NEMP2: variants seen among roughly 807,000 people sequenced by gnomAD.
NEMP2 encodes UPF0571 transmembrane protein.
A neutral mutation model predicts 54.2 loss-of-function variants in NEMP2; 53 were observed. The ratio of observed to expected loss-of-function variants is 0.98; its 90% CI spans 0.78 to 1.23. The LOEUF is 1.23. NEMP2 is among the 50% of genes most tolerant of loss of function. NEMP2 has a pLI of 0.00. For missense variants in NEMP2, 455 were observed against 511.3 expected, an observed-to-expected ratio of 0.89 and a Z score of 1.06; for synonymous variants, 197 against 190.3, an observed-to-expected ratio of 1.04 and a Z score of -0.29.
chr2:190,596,416 G>A, the NEMP2 span, among the ~76,000 whole-genome samples: 1 of 152,134 alleles, frequency 6.6e-6, no homozygotes, highest in Non-Finnish European at 1.5e-5. The surrounding 1 kb of genome is among the most constrained non-coding windows in gnomAD (Gnocchi z 5.1). Context: ...TAAAAATTAG[G>A]TTGTATGCAC....
upstream of NEMP2, among the ~76,000 whole-genome samples, chr2:190,536,777 CT>C (rs1360618758): frequency 1.3e-5 from 2 of 152,174 alleles, no homozygotes; most frequent in Non-Finnish European, 2.9e-5. Context: ...TAGTAACCCC[CT>C]GCTAGAGGAA....
At chr2:190,436,705 C>T in the NEMP2 span, 4 of 1,614,230 alleles carry the variant, frequency 2.5e-6, no homozygotes, top group South Asian at 4.4e-5. The surrounding 1 kb of genome is among the most constrained non-coding windows in gnomAD (Gnocchi z 5.3). Flanking sequence ...TGAACCCACT[C>T]TGCAGCCCCA....
chr2:190,645,242 C>T, the NEMP2 span, among the ~76,000 whole-genome samples: 1 of 152,044 alleles, frequency 6.6e-6, no homozygotes, highest in Non-Finnish European at 1.5e-5. Flanking sequence ...AGAATAAACA[C>T]ATGAATAATA....
chr2:190,534,991 C>A, upstream of NEMP2: 1 of 215,974 alleles, frequency 4.6e-6, no homozygotes, highest in Non-Finnish European at 9.1e-6. Flanking sequence ...TGGGGACCGC[C>A]CGGCCGTGTC....
chr2:190,632,986 C>T, the NEMP2 span, among the ~76,000 whole-genome samples: 9 of 152,340 alleles, frequency 5.9e-5, no homozygotes, highest in South Asian at 2.1e-4. The surrounding 1 kb of genome is among the most constrained non-coding windows in gnomAD (Gnocchi z 4.8). Flanking sequence ...AATTTAGACA[C>T]GTTGCTGCTC....
chr2:190,582,512 A>G, the NEMP2 span, among the ~76,000 whole-genome samples: 1 of 152,208 alleles, frequency 6.6e-6, no homozygotes, highest in Non-Finnish European at 1.5e-5. This position sits in a 1 kb window ranked among gnomAD's most constrained non-coding sequence, Gnocchi z 4.6. Flanking sequence ...GCTTTCTTAG[A>G]ATTAGATATT....
the NEMP2 span, among the ~76,000 whole-genome samples, chr2:190,496,932 G>T: frequency 6.6e-6 from 1 of 152,000 alleles, no homozygotes; most frequent in Admixed American, 6.6e-5. The surrounding 1 kb of genome is among the most constrained non-coding windows in gnomAD (Gnocchi z 4.7). Flanking sequence ...AAGGGGTGAG[G>T]GATACAAGAC....
At chr2:190,439,814 TATTA>T in the NEMP2 span, among the ~76,000 whole-genome samples, 27 of 152,238 alleles carry the variant, frequency 1.8e-4, no homozygotes, top group Admixed American at 5.9e-4. This position sits in a 1 kb window ranked among gnomAD's most constrained non-coding sequence, Gnocchi z 5.8. Flanking sequence ...CATTAAAATG[TATTA>T]ATTATTTCAA....
chr2:190,501,417 A>G (rs973465937), downstream of NEMP2: 1 of 152,216 alleles, frequency 6.6e-6, no homozygotes, highest in Non-Finnish European at 1.5e-5. Flanking sequence ...CAGCCAGAAC[A>G]ATGGCTGGGT....
chr2:190,534,820 T>C, upstream of NEMP2: 1 of 477,006 alleles, frequency 2.1e-6, no homozygotes, highest in Non-Finnish European at 3.3e-6. Context: ...GTTGGGCTCG[T>C]TGCTCCAGCC....
At chr2:190,613,028 T>C in the NEMP2 span, among the ~76,000 whole-genome samples, 1 of 152,214 alleles carries the variant, frequency 6.6e-6, no homozygotes, top group Non-Finnish European at 1.5e-5. Context: ...ATTTTAATCA[T>C]TTACCTATGT....
chr2:190,525,247 A>T lies in NEMP2; in HGVS notation c.213+16T>A. ...ATTCTCTGTCCCTAAGACATGAGTT[A>T]AAAGTAGGCCCTTACCTGCATAGTT... On this transcript the variant is annotated intron_variant, in intron 2 of 8. Coordinates refer to ENST00000409150, the MANE Select transcript of NEMP2 (RefSeq NM_001142645.2). This position sits in a 1 kb window ranked among gnomAD's most constrained non-coding sequence, Gnocchi z 5.0. 1 of 1,389,288 alleles carries T rather than the reference A, an allele frequency of 7.2e-7. No individual in the cohort carries two copies. The highest frequency in any genetic ancestry group is 1.0e-6 in the Non-Finnish European group (1 of 1,002,136). 86.1% of individuals were successfully genotyped at this position (1,389,288 alleles called of 1,614,324 possible).
chr2:190,541,978 A>G, the NEMP2 span, among the ~76,000 whole-genome samples: 1 of 151,030 alleles, frequency 6.6e-6, no homozygotes, highest in Non-Finnish European at 1.5e-5. The surrounding 1 kb of genome is among the most constrained non-coding windows in gnomAD (Gnocchi z 5.2). Context: ...GCTCCTTCAT[A>G]TGTTATTTGT....
At chr2:190,458,975 A>G in the NEMP2 span, among the ~76,000 whole-genome samples, 676 of 152,320 alleles carry the variant, frequency 4.4e-3, 5 homozygotes, top group African/African-American at 0.016. This position sits in a 1 kb window ranked among gnomAD's most constrained non-coding sequence, Gnocchi z 5.3. Flanking sequence ...AGGTAAAACA[A>G]GAACATCTGT....
At chr2:190,427,049 A>G in the NEMP2 span, among the ~76,000 whole-genome samples, 1 of 152,138 alleles carries the variant, frequency 6.6e-6, no homozygotes, top group Non-Finnish European at 1.5e-5. Context: ...CTTCAGTGAC[A>G]CCCATTGAGA....
At chr2:190,540,123 A>C in the NEMP2 span, among the ~76,000 whole-genome samples, 1 of 152,134 alleles carries the variant, frequency 6.6e-6, no homozygotes, top group African/African-American at 2.4e-5. Context: ...GGTTTTTTTC[A>C]TAAAGGGATG....
the NEMP2 span, among the ~76,000 whole-genome samples, chr2:190,475,913 C>G: frequency 6.6e-6 from 1 of 152,062 alleles, no homozygotes; most frequent in African/African-American, 2.4e-5. Context: ...TGCCACATAT[C>G]TACAACTATC....
chr2:190,479,410 C>A, the NEMP2 span, among the ~76,000 whole-genome samples: 2 of 152,074 alleles, frequency 1.3e-5, no homozygotes, highest in African/African-American at 2.4e-5. Context: ...AGTCTACGTG[C>A]CTAAAAGCAT....
chr2:190,446,311 C>T, the NEMP2 span, among the ~76,000 whole-genome samples: 6 of 152,128 alleles, frequency 3.9e-5, no homozygotes, highest in South Asian at 4.1e-4. Context: ...GGTGGATGGA[C>T]GCAGGGTGTA....
Sources: gnomAD v4.1 joint callset for allele counts (sites outside exome capture counted in the v4.1 genomes callset) on GRCh38, gnomAD v4.1.1 for gene constraint, Gnocchi (gnomAD v3.1) non-coding constraint, MANE v1.5 for transcripts, NCBI Gene and HGNC (gene_info 2026-07-23, HGNC 2026-07-21) for gene names.